Variants in TUBA8 observed in about 807,000 individuals in gnomAD.
TUBA8 encodes tubulin alpha 8.
In TUBA8, 29 loss-of-function variants were observed where a neutral mutation model predicts 34.7. That is an observed-to-expected ratio of 0.84 (90% CI 0.62 to 1.14). TUBA8 has a LOEUF of 1.14. TUBA8 is among the 50% of genes most tolerant of loss of function. TUBA8 has a pLI of 0.00. For missense variants in TUBA8, 541 were observed against 599.2 expected, an observed-to-expected ratio of 0.90 and a Z score of 1.01; for synonymous variants, 226 against 231.2, an observed-to-expected ratio of 0.98 and a Z score of 0.21.
chr22:18,121,791 C>A lies in TUBA8; in HGVS notation c.226+90C>A. On this transcript the variant is annotated intron_variant, in intron 2 of 4. Coordinates refer to ENST00000330423, the MANE Select transcript of TUBA8 (RefSeq NM_018943.3). This position sits in a 1 kb window ranked among gnomAD's most constrained non-coding sequence, Gnocchi z 4.8. ...GTAGCTAAGGAAGCAGCGTCTCTAG[C>A]TGGAAGGTGGGGATGGTGCAACCGC... is the stretch of plus-strand genomic sequence containing the variant. 2.2e-6 allele frequency: 3 copies of A among 1,337,742 alleles called. No individual in the cohort carries two copies. Among genetic ancestry groups the A allele is most frequent in the Non-Finnish European group, 3.1e-6 (3 of 954,976 alleles). 82.9% of individuals were successfully genotyped at this position (1,337,742 alleles called of 1,614,324 possible). A position where few individuals can be genotyped will look rare whatever the true frequency, so the allele number is the denominator to read the frequency against.
At position 18,121,351 on chromosome 22, in the gene TUBA8, C is replaced by G. The variant is rs1271793728; in HGVS notation, c.4-128C>G. ...TGCTATAGAGCTGGGGCACCTGCAGCCTCAACGCCAACTGGCAATGGGGGG... is the reference window on the plus strand; with the variant it reads ...TGCTATAGAGCTGGGGCACCTGCAGGCTCAACGCCAACTGGCAATGGGGGG... On this transcript the variant is annotated intron_variant, in intron 1 of 4. Coordinates refer to ENST00000330423, the MANE Select transcript of TUBA8 (RefSeq NM_018943.3). The surrounding 1 kb of genome is among the most constrained non-coding windows in gnomAD (Gnocchi z 4.8). 1.3e-6 allele frequency: 1 copy of G among 780,564 alleles called. No individual in the cohort carries two copies. Among genetic ancestry groups the G allele is most frequent in the South Asian group, 1.5e-5 (1 of 65,592 alleles). 48.4% of individuals were successfully genotyped at this position (780,564 alleles called of 1,614,324 possible).
chr22:18,126,371 C>T lies in TUBA8; in HGVS notation c.393C>T (p.Gly131=). 6.2e-7 allele frequency: 1 copy of T among 1,614,134 alleles called. No individual in the cohort carries two copies. Among genetic ancestry groups the T allele is most frequent in the Non-Finnish European group, 8.5e-7 (1 of 1,180,022 alleles). ...RIRKLTDACS[G]LQGFLIFHSF... is the part of the protein sequence containing the mutation. ...CTCCCTAGACAGATGCTTGCTCTGG[C>T]CTGCAGGGCTTCCTGATTTTCCACA... Residue 131 remains glycine, a synonymous_variant, in exon 4 of 5, where the codon GGC becomes GGT. Coordinates refer to ENST00000330423, the MANE Select transcript of TUBA8 (RefSeq NM_018943.3). The surrounding 1 kb of genome is among the most constrained non-coding windows in gnomAD (Gnocchi z 4.0).
In TUBA8 at chr22:18,130,860, GCCCCCGACCGTGGT is replaced by G. The variant is rs1928478938; in HGVS notation, c.1079_1092del (p.Pro360ArgfsTer56). ...TCCCTCAGGTGGGCATCAACTACCA[GCCCCCGACCGTGGT>G]CCCCGGGGGAGACCTGGCCAAGGTG... On this transcript the variant is annotated frameshift_variant, in exon 5 of 5. Coordinates refer to ENST00000330423, the MANE Select transcript of TUBA8 (RefSeq NM_018943.3). LOFTEE classifies it high-confidence loss of function. 1 of 1,613,682 alleles carries G rather than the reference GCCCCCGACCGTGGT, an allele frequency of 6.2e-7. No individual in the cohort carries two copies. Among genetic ancestry groups the G allele is most frequent in the African/African-American group, 1.3e-5 (1 of 74,892 alleles).
chr22:18,127,146 G>C, intron 4 of TUBA8, 112 bp downstream of exon 4: 1 of 1,094,622 alleles, frequency 9.1e-7, no homozygotes. Flanking sequence ...TAAGGGGAGG[G>C]GGACTTCAAC....
chr22:18,126,902 A>T lies in TUBA8; in HGVS notation c.924A>T (p.Arg308Ser). Residue 308 changes from arginine (R) to serine (S), a missense_variant, in exon 4 of 5, where the codon AGA becomes AGT. Arg to Ser is a moderately radical substitution (Grantham distance 110, BLOSUM62 -1). Transcript: ENST00000330423. The surrounding 1 kb of genome is among the most constrained non-coding windows in gnomAD (Gnocchi z 4.0). ...GCCAGATGGTGAAGTGCGACCCGAG[A>T]CATGGCAAGTACATGGCCTGCTGCA... ...PNSQMVKCDP[R>S]HGKYMACCML... 3 of 1,612,148 alleles carry T rather than the reference A, an allele frequency of 1.9e-6. No homozygotes were observed. The highest frequency in any genetic ancestry group is 2.5e-6 in the Non-Finnish European group (3 of 1,178,920).
intron 3 of TUBA8, chr22:18,125,486 G>C (rs1448252973): frequency 7.1e-6 from 1 of 141,024 alleles, no homozygotes; most frequent in African/African-American, 2.7e-5. Flanking sequence ...CTGCACTCCA[G>C]CCTGGCGACA....
Position 18,111,099 on chromosome 22 carries a change from A to G in TUBA8, c.3+231A>G. The G allele has an allele frequency of 1.6e-6, 1 of 638,044 alleles. No individual in the cohort carries two copies. Among genetic ancestry groups the G allele is most frequent in the Non-Finnish European group, 2.7e-6 (1 of 373,048 alleles). The allele number at this position is 638,044 out of a possible 1,614,324, so 39.5% of individuals were successfully genotyped here. A position where few individuals can be genotyped will look rare whatever the true frequency, so the allele number is the denominator to read the frequency against. On this transcript the variant is annotated intron_variant, in intron 1 of 4. Coordinates refer to ENST00000330423, the MANE Select transcript of TUBA8 (RefSeq NM_018943.3). The surrounding 1 kb of genome is among the most constrained non-coding windows in gnomAD (Gnocchi z 5.1). ...GGCCAGTTGTTCCTTAAAGGGACCT[A>G]AGGGAGCTTTGCGTGCAGACGAGGG... is the stretch of plus-strand genomic sequence containing the variant.
chr22:18,124,399 C>A lies in TUBA8; in HGVS notation c.375+95C>A, dbSNP rs1387623851. 7.0e-7 allele frequency: 1 copy of A among 1,420,502 alleles called. No homozygotes were observed. The highest frequency in any genetic ancestry group is 2.4e-5 in the East Asian group (1 of 41,120). 88.0% of individuals were successfully genotyped at this position (1,420,502 alleles called of 1,614,324 possible). On this transcript the variant is annotated intron_variant, in intron 3 of 4. Coordinates refer to ENST00000330423, the MANE Select transcript of TUBA8 (RefSeq NM_018943.3). The surrounding 1 kb of genome is among the most constrained non-coding windows in gnomAD (Gnocchi z 4.3). ...ATCAGGCTAGGGAGAGGCATCTGAC[C>A]CCTGGCTATAGGATGGAGCTCCTAA...
rs935170947 is a variant in TUBA8, at chr22:18,126,092, G to T, written c.376-262G>T. 18 of 516,064 alleles carry T rather than the reference G, an allele frequency of 3.5e-5. No homozygotes were observed. The highest frequency in any genetic ancestry group is 6.3e-5 in the Non-Finnish European group (18 of 286,606). 32.0% of individuals were successfully genotyped at this position (516,064 alleles called of 1,614,324 possible). A position where few individuals can be genotyped will look rare whatever the true frequency, so the allele number is the denominator to read the frequency against. ...TGCCCATGCTGGTTGTGAACTCCTG[G>T]CCTCAATGGATCCTCCTGCCTCAGC... On this transcript the variant is annotated intron_variant, in intron 3 of 4. Coordinates refer to ENST00000330423, the MANE Select transcript of TUBA8 (RefSeq NM_018943.3). This position sits in a 1 kb window ranked among gnomAD's most constrained non-coding sequence, Gnocchi z 4.0.
In TUBA8 at chr22:18,121,271, T is replaced by G. The variant is rs1928136372; in HGVS notation, c.4-208T>G. On this transcript the variant is annotated intron_variant, in intron 1 of 4. Coordinates refer to ENST00000330423, the MANE Select transcript of TUBA8 (RefSeq NM_018943.3). This position sits in a 1 kb window ranked among gnomAD's most constrained non-coding sequence, Gnocchi z 4.8. ...AAAGGTCAACCCTGGGAAGCAACCT[T>G]TAGAGCAAAGCACAAAACAGCTGTG... 1 of 593,894 alleles carries G rather than the reference T, an allele frequency of 1.7e-6. No individual in the cohort carries two copies. The highest frequency in any genetic ancestry group is 3.1e-6 in the Non-Finnish European group (1 of 327,532). The allele number at this position is 593,894 out of a possible 1,614,324, so 36.8% of individuals were successfully genotyped here.
chr22:18,131,124 G>C lies in TUBA8; in HGVS notation c.1338G>C (p.Gly446=). 1 of 1,613,922 alleles carries C rather than the reference G, an allele frequency of 6.2e-7. No individual in the cohort carries two copies. The change falls in exon 5 of 5, where the codon GGG becomes GGC. Residue 446 remains glycine, a synonymous_variant. Transcript: ENST00000330423. The surrounding 1 kb of genome is among the most constrained non-coding windows in gnomAD (Gnocchi z 5.3). ...ATTCGTTTGAAGAAGAAAATGAAGGGGAGGAATTTTAAATATATACCTTCC... is the reference window on the plus strand; with the variant it reads ...ATTCGTTTGAAGAAGAAAATGAAGGCGAGGAATTTTAAATATATACCTTCC... The part of the protein sequence containing the change: ...GTDSFEEENE[G]EEF
chr22:18,117,487 G>A (rs1928007498), intron 1 of TUBA8: 1 of 152,236 alleles, frequency 6.6e-6, no homozygotes, highest in African/African-American at 2.4e-5. Flanking sequence ...GAGTTGAAAA[G>A]GCTGGGCCAG....
intron 1 of TUBA8, chr22:18,115,524 T>C (rs988046612): frequency 3.3e-5 from 5 of 152,162 alleles, no homozygotes; most frequent in East Asian, 1.9e-4. Context: ...GAAACAAAGG[T>C]TCCTTGCCCT....
At chr22:18,120,635 A>G (rs1470045447) in intron 1 of TUBA8, 3 of 152,230 alleles carry the variant, frequency 2.0e-5, no homozygotes, top group African/African-American at 7.2e-5. Flanking sequence ...TCTTTTGGAT[A>G]TATACCCAGT....
rs1342414783 is a variant in TUBA8 at position 18,111,058 on chromosome 22, G to A, written c.3+190G>A. 12 of 790,936 alleles carry A rather than the reference G, an allele frequency of 1.5e-5. No homozygotes were observed. Among genetic ancestry groups the A allele is most frequent in the Admixed American group, 4.6e-5 (2 of 43,238 alleles). 49.0% of individuals were successfully genotyped at this position (790,936 alleles called of 1,614,324 possible). A position where few individuals can be genotyped will look rare whatever the true frequency, so the allele number is the denominator to read the frequency against. On this transcript the variant is annotated intron_variant, in intron 1 of 4. Coordinates refer to ENST00000330423, the MANE Select transcript of TUBA8 (RefSeq NM_018943.3). This position sits in a 1 kb window ranked among gnomAD's most constrained non-coding sequence, Gnocchi z 5.1. ...CACCCGGTGCCCTTTATCGTATGGG[G>A]GAAATAGAGACCAGGGGCCAGTTGT... is the stretch of plus-strand genomic sequence containing the variant.
At position 18,130,929 on chromosome 22, in the gene TUBA8, C is replaced by T. The variant is rs900054794; in HGVS notation, c.1143C>T (p.Thr381=). 5.0e-6 allele frequency: 8 copies of T among 1,614,076 alleles called. No individual in the cohort carries two copies. The African/African-American group carries it at 1.1e-4, about 22-fold the overall frequency. The change falls in exon 5 of 5, where the codon ACC becomes ACT. Residue 381 remains threonine (T), a synonymous_variant. Transcript: ENST00000330423. ...GGGCCGTCTGCATGCTCAGCAACAC[C>T]ACGGCCATTGCGGAGGCCTGGGCCC... ...VQRAVCMLSN[T]TAIAEAWARL...
chr22:18,113,397 G>A (rs1927870399), intron 1 of TUBA8: 1 of 152,202 alleles, frequency 6.6e-6, no homozygotes, highest in African/African-American at 2.4e-5. Flanking sequence ...CTCAGACTAT[G>A]ACACCTTTTT....
chr22:18,128,233 T>A (rs930047989), intron 4 of TUBA8: 1 of 152,222 alleles, frequency 6.6e-6, no homozygotes, highest in Non-Finnish European at 1.5e-5. Flanking sequence ...TCCATTGCCA[T>A]TAACCAGGAG....
Position 18,131,204 on chromosome 22 carries a change from A to T in TUBA8, c.*68A>T. 1 of 1,530,224 alleles carries T rather than the reference A, an allele frequency of 6.5e-7. No homozygotes were observed. Among genetic ancestry groups the T allele is most frequent in the Non-Finnish European group, 9.0e-7 (1 of 1,108,276 alleles). The allele number at this position is 1,530,224 out of a possible 1,614,324, so 94.8% of individuals were successfully genotyped here. A position where few individuals can be genotyped will look rare whatever the true frequency, so the allele number is the denominator to read the frequency against. ...GCCATTCAAAGCACATGTTCAAGAG[A>T]ACAGAACACTCTCCCCGCCCCAGCC... On this transcript the variant is annotated 3_prime_UTR_variant, in exon 5 of 5. Transcript: ENST00000330423. This position sits in a 1 kb window ranked among gnomAD's most constrained non-coding sequence, Gnocchi z 5.3.
Sources: allele counts gnomAD v4.1 joint callset, GRCh38; gene constraint gnomAD v4.1.1; non-coding constraint Gnocchi (gnomAD v3.1); transcripts MANE v1.5; gene names NCBI Gene and HGNC (gene_info 2026-07-23, HGNC 2026-07-21).